Variants in SLC8A3 observed in about 807,000 individuals in gnomAD.
The protein encoded by SLC8A3 is sodium/calcium exchanger 3.
Under a neutral mutation model 65.4 loss-of-function variants are expected in SLC8A3, and 37 were observed. The ratio of observed to expected loss-of-function variants is 0.57; its 90% confidence interval spans 0.44 to 0.74. The LOEUF (loss-of-function observed/expected upper bound fraction) is 0.74. SLC8A3 is among the 30% of genes least tolerant of loss of function. The pLI, the probability that SLC8A3 is intolerant of heterozygous loss-of-function variation, is 0.00. For missense variants in SLC8A3, 1,112 were observed against 1,172.1 expected (o/e 0.95, Z 0.75); for synonymous variants, 461 against 444.5 (o/e 1.04, Z -0.47).
intron 2 of SLC8A3, among the ~76,000 whole-genome samples, chr14:70,134,276 T>A (rs1312885619): frequency 1.3e-5 from 2 of 152,228 alleles, no homozygotes; most frequent in African/African-American, 2.4e-5. Flanking sequence ...TGTCTTCATT[T>A]TAACAAGGAT....
chr14:70,181,404 A>T (rs901521519), intron 1 of SLC8A3, among the ~76,000 whole-genome samples: 2 of 151,666 alleles, frequency 1.3e-5, no homozygotes, highest in Non-Finnish European at 2.9e-5. Flanking sequence ...TTCAGGCATC[A>T]TGTGACATAG....
At chr14:70,120,434 CA>C (rs1345993659) in intron 2 of SLC8A3, among the ~76,000 whole-genome samples, 1 of 152,218 alleles carries the variant, frequency 6.6e-6, no homozygotes, top group African/African-American at 2.4e-5. Context: ...CAACCACTTA[CA>C]TTCTGCTAAT....
rs148187836 is a variant in SLC8A3, at chr14:70,049,431, A to G, written c.2114-389T>C. ...TCTCACTCATAAGTGGGAGTTGAAC[A>G]ATGAGAACACATGGACACAGGGAGA... On this transcript the variant is annotated intron_variant, in intron 5 of 6. Coordinates refer to ENST00000356921, the MANE Select transcript of SLC8A3 (RefSeq NM_182932.3). Among the ~76,000 whole-genome samples, 632 of 152,310 alleles carry G rather than the reference A, an allele frequency of 4.1e-3. 2 individuals carry two copies. The highest frequency in any genetic ancestry group is 0.015 in the African/African-American group (619 of 41,558).
chr14:70,183,770 T>C (rs115980601), intron 1 of SLC8A3, among the ~76,000 whole-genome samples: 1,713 of 152,318 alleles, frequency 0.011, 25 homozygotes, highest in African/African-American at 0.038. Context: ...AAGCTATAAG[T>C]CTGCCTGTTT....
intron 2 of SLC8A3, among the ~76,000 whole-genome samples, chr14:70,137,760 C>A (rs1895300105): frequency 6.8e-6 from 1 of 147,154 alleles, no homozygotes; most frequent in Non-Finnish European, 1.5e-5. Context: ...ACTCAACAGC[C>A]TCTCTGATTT....
intron 2 of SLC8A3, among the ~76,000 whole-genome samples, chr14:70,068,368 T>C (rs2139889662): frequency 6.6e-6 from 1 of 152,246 alleles, no homozygotes; most frequent in South Asian, 2.1e-4. Context: ...AGAAGAACTT[T>C]CTTGTTTCAT....
chr14:70,083,895 C>CAGT (rs141835154), intron 2 of SLC8A3, among the ~76,000 whole-genome samples: 3,982 of 152,206 alleles, frequency 0.026, 174 homozygotes, highest in South Asian at 0.17. Flanking sequence ...GGCAAAAAAG[C>CAGT]AGTATATGAA....
chr14:70,113,719 A>G (rs1241437572), intron 2 of SLC8A3, among the ~76,000 whole-genome samples: 1 of 152,254 alleles, frequency 6.6e-6, no homozygotes, highest in African/African-American at 2.4e-5. Context: ...CACTATAACC[A>G]CAGGCTAAAT....
chr14:70,169,399 C>A (rs897170861), intron 1 of SLC8A3, among the ~76,000 whole-genome samples: 1 of 152,118 alleles, frequency 6.6e-6, no homozygotes, highest in African/African-American at 2.4e-5. Flanking sequence ...AGATGATCAT[C>A]CGCCAGCCAC....
intron 2 of SLC8A3, among the ~76,000 whole-genome samples, chr14:70,073,653 T>C (rs1351570774): frequency 6.6e-6 from 1 of 152,230 alleles, no homozygotes; most frequent in Non-Finnish European, 1.5e-5. Flanking sequence ...GATTCATGGC[T>C]TTAGAGATGT....
intron 1 of SLC8A3, among the ~76,000 whole-genome samples, chr14:70,186,449 T>G (rs1205979469): frequency 6.6e-6 from 1 of 152,202 alleles, no homozygotes; most frequent in East Asian, 1.9e-4. Context: ...AGCTGAGAGC[T>G]GAAGCTTGAG....
intron 2 of SLC8A3, among the ~76,000 whole-genome samples, chr14:70,072,834 G>A (rs1325702602): frequency 6.6e-6 from 1 of 152,138 alleles, no homozygotes; most frequent in African/African-American, 2.4e-5. Flanking sequence ...TTTTAGTCGA[G>A]ATGGGGTTTT....
At chr14:70,075,253 C>G (rs1338211735) in intron 2 of SLC8A3, among the ~76,000 whole-genome samples, 2 of 152,182 alleles carry the variant, frequency 1.3e-5, no homozygotes, top group Non-Finnish European at 2.9e-5. Flanking sequence ...ACGTTCTCAG[C>G]CTTTCGGGCT....
intron 2 of SLC8A3, among the ~76,000 whole-genome samples, chr14:70,156,477 G>A (rs374019033): frequency 6.6e-6 from 1 of 152,122 alleles, no homozygotes; most frequent in Non-Finnish European, 1.5e-5. Flanking sequence ...ACAACTGAGC[G>A]CAGATACAGC....
intron 2 of SLC8A3, among the ~76,000 whole-genome samples, chr14:70,148,731 C>T (rs1424950101): frequency 2.0e-5 from 3 of 152,168 alleles, no homozygotes; most frequent in South Asian, 2.1e-4. Context: ...GCAATACATA[C>T]GATTCAACCA....
intron 2 of SLC8A3, among the ~76,000 whole-genome samples, chr14:70,087,341 A>G (rs1022186729): frequency 1.1e-4 from 17 of 152,208 alleles, no homozygotes; most frequent in African/African-American, 4.1e-4. Flanking sequence ...GCTGCTGTGC[A>G]ACTTCCATTT....
intron 2 of SLC8A3, among the ~76,000 whole-genome samples, chr14:70,065,141 C>T (rs61977417): frequency 0.11 from 16,511 of 152,190 alleles, 914 homozygotes; most frequent in African/African-American, 0.14. Flanking sequence ...AGACTGAGGC[C>T]TTCAGTCTCC....
At position 70,045,762 on chromosome 14, in the gene SLC8A3, TTTGA is replaced by T. The variant is rs1397959058; in HGVS notation, c.*181_*184del. On this transcript the variant is annotated 3_prime_UTR_variant, in exon 7 of 7. Coordinates refer to ENST00000356921, the MANE Select transcript of SLC8A3 (RefSeq NM_182932.3). ...TGTAAAGTCGGTGATTCCTCCATTG[TTTGA>T]TTGATTAAGACTTTGCCCTTTCAGT... 9 of 542,870 alleles carry T rather than the reference TTTGA, an allele frequency of 1.7e-5. No individual in the cohort carries two copies. Among genetic ancestry groups the T allele is most frequent in the East Asian group, 8.5e-5 (3 of 35,480 alleles). The allele number at this position is 542,870 out of a possible 1,614,324, so 33.6% of individuals were successfully genotyped here.
intron 2 of SLC8A3, among the ~76,000 whole-genome samples, chr14:70,130,835 A>G (rs61977451): frequency 0.12 from 17,686 of 152,312 alleles, 1,230 homozygotes; most frequent in Non-Finnish European, 0.16. Context: ...GCTGTAGTCT[A>G]GACTTAGAGT....
Sources: allele counts gnomAD v4.1 joint callset (sites outside exome capture counted in the v4.1 genomes callset), GRCh38; gene constraint gnomAD v4.1.1; transcripts MANE v1.5; gene names NCBI Gene and HGNC (gene_info 2026-07-23, HGNC 2026-07-21).